Variants in POU6F2 observed in about 807,000 individuals in gnomAD.
POU6F2 encodes POU class 6 homeobox 2.
POU6F2 carries 31 observed loss-of-function variants against 71.3 expected under a neutral mutation model. The ratio of observed to expected loss-of-function variants is 0.43; its 90% CI spans 0.33 to 0.59. The LOEUF (loss-of-function observed/expected upper bound fraction) is 0.59, where lower values mean the gene tolerates loss of function less well. Among genes scored for constraint, POU6F2 ranks in the 20% least tolerant of loss-of-function variants. The pLI, the probability that POU6F2 is intolerant of heterozygous loss-of-function variation, is 0.04. For missense variants in POU6F2, 783 were observed against 856.8 expected, an observed-to-expected ratio of 0.91 and a Z score of 1.07; for synonymous variants, 347 against 355.7, an observed-to-expected ratio of 0.98 and a Z score of 0.27.
chr7:39,401,186 G>A (rs1787294894), intron 5 of POU6F2, among the ~76,000 whole-genome samples: 1 of 152,208 alleles, frequency 6.6e-6, no homozygotes, highest in African/African-American at 2.4e-5. Context: ...ATTTTAGGAT[G>A]TTGCAGTGCC....
At chr7:39,300,347 G>A (rs528775915) in intron 4 of POU6F2, among the ~76,000 whole-genome samples, 3 of 152,292 alleles carry the variant, frequency 2.0e-5, no homozygotes, top group African/African-American at 4.8e-5. Context: ...AGGAAGGGAG[G>A]GAAAGTGGGC....
At chr7:39,081,542 A>G (rs375826355) in intron 1 of POU6F2, among the ~76,000 whole-genome samples, 1 of 152,172 alleles carries the variant, frequency 6.6e-6, no homozygotes, top group Non-Finnish European at 1.5e-5. Flanking sequence ...CATTTTCTAG[A>G]CAAGAAAACC....
rs948726267 is a variant in POU6F2 at position 39,015,116 on chromosome 7, G to A, written c.105+37058G>A. Among the ~76,000 whole-genome samples the A allele has an allele frequency of 1.1e-4, 17 of 151,124 alleles. 1 individual carries two copies. The highest frequency in any genetic ancestry group is 5.9e-5 in the Non-Finnish European group (4 of 67,854). On this transcript the variant is annotated intron_variant, in intron 1 of 9. Coordinates refer to ENST00000518318, the MANE Select transcript of POU6F2 (RefSeq NM_001370959.1). ...GAATATTCTGTTTTGTTCGGGAGCAGAATTTTAAAAATATATCAATGCCTA... is the reference window on the plus strand; with the variant it reads ...GAATATTCTGTTTTGTTCGGGAGCAAAATTTTAAAAATATATCAATGCCTA...
intron 2 of POU6F2, among the ~76,000 whole-genome samples, chr7:39,142,382 G>A (rs1172426184): frequency 6.6e-6 from 1 of 152,168 alleles, no homozygotes; most frequent in African/African-American, 2.4e-5. Context: ...TTTCTGTAGG[G>A]CAGGAGAGGT....
intron 2 of POU6F2, among the ~76,000 whole-genome samples, chr7:39,161,131 T>C (rs776948544): frequency 5.9e-5 from 9 of 152,046 alleles, no homozygotes; most frequent in Non-Finnish European, 1.2e-4. Context: ...AGTTATCTAT[T>C]CTAATCATCA....
At chr7:39,279,490 C>G (rs1420336016) in intron 4 of POU6F2, among the ~76,000 whole-genome samples, 1 of 152,166 alleles carries the variant, frequency 6.6e-6, no homozygotes, top group Non-Finnish European at 1.5e-5. Flanking sequence ...TAGCAGAGTT[C>G]CACAAACTGG....
At chr7:39,374,558 A>ATCTT (rs1786673802) in intron 5 of POU6F2, among the ~76,000 whole-genome samples, 5 of 152,196 alleles carry the variant, frequency 3.3e-5, no homozygotes, top group Non-Finnish European at 7.3e-5. Flanking sequence ...AAGATATTCA[A>ATCTT]GAATGCTTTT....
At chr7:39,411,323 G>A (rs1010137029) in intron 6 of POU6F2, among the ~76,000 whole-genome samples, 11 of 152,166 alleles carry the variant, frequency 7.2e-5, no homozygotes, top group Non-Finnish European at 1.6e-4. Context: ...TGGCTTCCCT[G>A]GTGCCCCTGG....
chr7:39,155,267 G>A (rs990951545), intron 2 of POU6F2, among the ~76,000 whole-genome samples: 1 of 151,312 alleles, frequency 6.6e-6, no homozygotes, highest in Non-Finnish European at 1.5e-5. Context: ...GTGGGGGTTG[G>A]GGGGGAGTTC....
rs201020294 is a variant in POU6F2 at position 39,286,297 on chromosome 7, G to T, written c.599-53345G>T. Among the ~76,000 whole-genome samples, 7 of 152,298 alleles carry T rather than the reference G, an allele frequency of 4.6e-5. No homozygotes were observed. The East Asian group carries it at 1.2e-3, about 25-fold the overall frequency. On this transcript the variant is annotated intron_variant, in intron 4 of 9. Coordinates refer to ENST00000518318, the MANE Select transcript of POU6F2 (RefSeq NM_001370959.1). ...ACAAAAGTATTTCTGTAGCAGGATG[G>T]CTGGGGTACACACAGTTTACAAGGA... is the stretch of plus-strand genomic sequence containing the variant.
At chr7:39,265,312 C>CAGAG (rs1784218294) in intron 4 of POU6F2, among the ~76,000 whole-genome samples, 1 of 152,148 alleles carries the variant, frequency 6.6e-6, no homozygotes, top group Non-Finnish European at 1.5e-5. Context: ...CCTGCCTTAC[C>CAGAG]AGAGCTTCTG....
At chr7:39,260,344 T>C (rs1161590292) in intron 4 of POU6F2, among the ~76,000 whole-genome samples, 1 of 142,756 alleles carries the variant, frequency 7.0e-6, no homozygotes, top group East Asian at 2.1e-4. Context: ...ACACACTCTA[T>C]ACACATACAA....
intron 1 of POU6F2, among the ~76,000 whole-genome samples, chr7:39,047,392 A>G (rs1790313015): frequency 6.6e-6 from 1 of 151,590 alleles, no homozygotes. Flanking sequence ...TATTTCTTTC[A>G]CTCAGCACTT....
At chr7:39,169,460 C>A (rs932996461) in intron 2 of POU6F2, among the ~76,000 whole-genome samples, 4 of 152,184 alleles carry the variant, frequency 2.6e-5, no homozygotes, top group Non-Finnish European at 5.9e-5. Context: ...CAACCAACAA[C>A]AAAAACCTGT....
intron 2 of POU6F2, among the ~76,000 whole-genome samples, chr7:39,189,145 C>G (rs1256870427): frequency 6.6e-6 from 1 of 152,090 alleles, no homozygotes; most frequent in Non-Finnish European, 1.5e-5. Flanking sequence ...TCCCACTGAG[C>G]ACAATTTCAT....
chr7:39,415,363 G>C (rs1412977961), intron 6 of POU6F2, among the ~76,000 whole-genome samples: 1 of 152,144 alleles, frequency 6.6e-6, no homozygotes. Context: ...CGTTTTCCTG[G>C]GAATTGGGAA....
chr7:39,408,031 T>G (rs1787476910), intron 6 of POU6F2, among the ~76,000 whole-genome samples: 1 of 152,250 alleles, frequency 6.6e-6, no homozygotes, highest in African/African-American at 2.4e-5. Context: ...AAGGATCATT[T>G]TATGCAGCCG....
intron 5 of POU6F2, among the ~76,000 whole-genome samples, chr7:39,374,482 A>G (rs1019083): frequency 0.11 from 16,913 of 152,232 alleles, 1,197 homozygotes; most frequent in Non-Finnish European, 0.15. Flanking sequence ...ACTCAAGTCA[A>G]CAAATTCTAA....
chr7:39,130,010 C>T (rs1792229247), intron 2 of POU6F2, among the ~76,000 whole-genome samples: 3 of 142,132 alleles, frequency 2.1e-5, no homozygotes, highest in Non-Finnish European at 3.0e-5. Context: ...GAGCTTGCAG[C>T]GAGCCAAAAT....
Sources: gnomAD v4.1 joint callset for allele counts (sites outside exome capture counted in the v4.1 genomes callset) on GRCh38, gnomAD v4.1.1 for gene constraint, MANE v1.5 for transcripts, NCBI Gene and HGNC (gene_info 2026-07-23, HGNC 2026-07-21) for gene names.